The following SHB variants were observed in gnomAD, a reference collection of about 807,000 sequenced individuals.
SHB encodes the protein SH2 domain-containing adapter protein B.
SHB carries 20 observed loss-of-function variants against 52.3 expected under a neutral mutation model. The ratio of observed to expected loss-of-function variants is 0.38; its 90% CI spans 0.27 to 0.56. The LOEUF is 0.56. Among genes scored for constraint, SHB ranks in the 20% least tolerant of loss-of-function variants. The pLI is 0.71. For synonymous variants in SHB, 397 were observed against 316.5 expected (o/e 1.25, Z -2.70); for missense variants, 825 against 723.3 (o/e 1.14, Z -1.61).
At chr9:38,003,414 C>A (rs1045361886) in intron 2 of SHB, among the ~76,000 whole-genome samples, 5 of 152,024 alleles carry the variant, frequency 3.3e-5, no homozygotes, top group Non-Finnish European at 5.9e-5. Flanking sequence ...AACATCCACC[C>A]CTAACCAAGC....
In SHB at chr9:38,001,482, G is replaced by A. The variant is rs116395767; in HGVS notation, c.838+14529C>T. On this transcript the variant is annotated intron_variant, in intron 2 of 5. Coordinates refer to ENST00000377707, the MANE Select transcript of SHB (RefSeq NM_003028.3). Reference sequence around the variant, plus strand: ...CACCCTGAATGGGAAGACATGCAAGGCTCTTTGTGGGCTGGGGAGAGCCTG... The same window carrying A: ...CACCCTGAATGGGAAGACATGCAAGACTCTTTGTGGGCTGGGGAGAGCCTG... Among the ~76,000 whole-genome samples, 921 of 152,368 alleles carry A rather than the reference G, an allele frequency of 6.0e-3. 12 individuals carry two copies. Among genetic ancestry groups the A allele is most frequent in the African/African-American group, 0.021 (883 of 41,590 alleles).
intron 1 of SHB, among the ~76,000 whole-genome samples, chr9:38,048,056 C>A (rs1821681617): frequency 6.6e-6 from 1 of 152,234 alleles, no homozygotes. Context: ...ATTCAGATGG[C>A]CCCAGCAAAA....
chr9:37,969,198 A>G (rs1820565527), intron 3 of SHB, among the ~76,000 whole-genome samples: 2 of 152,196 alleles, frequency 1.3e-5, no homozygotes, highest in South Asian at 4.1e-4. Flanking sequence ...TATTTCCTGC[A>G]GCATCTTGGA....
At chr9:37,970,561 G>C (rs1287908691) in intron 3 of SHB, among the ~76,000 whole-genome samples, 1 of 152,182 alleles carries the variant, frequency 6.6e-6, no homozygotes, top group Non-Finnish European at 1.5e-5. Context: ...TTGAAAGCTG[G>C]AAGGCACTTT....
chr9:37,968,427 G>T, intron 3 of SHB, among the ~76,000 whole-genome samples: 1 of 152,222 alleles, frequency 6.6e-6, no homozygotes, highest in African/African-American at 2.4e-5. Context: ...GCAAGACACT[G>T]TCCTAAACTT....
intron 5 of SHB, among the ~76,000 whole-genome samples, chr9:37,941,192 C>T (rs1470648986): frequency 6.6e-6 from 1 of 152,188 alleles, no homozygotes; most frequent in Non-Finnish European, 1.5e-5. Flanking sequence ...TGAACCCAGA[C>T]AATTTGCAAT....
chr9:38,009,268 G>A (rs1821107537), intron 2 of SHB, among the ~76,000 whole-genome samples: 1 of 152,246 alleles, frequency 6.6e-6, no homozygotes, highest in South Asian at 2.1e-4. Context: ...ATGCTTTTGG[G>A]AGGGGCTGAG....
Position 37,974,719 on chromosome 9 carries a change from T to TCCC in SHB, c.956_957insGGG (p.Arg319_Leu320insGly), listed in dbSNP as rs775742892. 6.2e-7 allele frequency: 1 copy of TCCC among 1,614,144 alleles called. No individual in the cohort carries two copies. ...CCTGGGGCAGCTTGCTCTCCCGCAG[T>TCCC]CGGGGGCTGACTGTGCTCTCCGAGT... On this transcript the variant is annotated inframe_insertion, in exon 3 of 6. Transcript: ENST00000377707.
rs1821479173 is a variant in SHB, at chr9:38,035,762, T to C, written c.718-19631A>G. On this transcript the variant is annotated intron_variant, in intron 1 of 5. Transcript: ENST00000377707. ...GTTCCTGAGGGTCATACAGTACTCC[T>C]GGTTTAGTCCAGTGATTCTCAACAT... Among the ~76,000 whole-genome samples the C allele has an allele frequency of 2.6e-5, 4 of 152,300 alleles. No homozygotes were observed. In the South Asian group the frequency reaches 6.2e-4, roughly 24 times the overall value.
chr9:37,950,478 A>T (rs1464189909), intron 4 of SHB, among the ~76,000 whole-genome samples: 2 of 152,226 alleles, frequency 1.3e-5, no homozygotes. Flanking sequence ...GCAGGGAAAG[A>T]ATAAAGATCC....
chr9:38,062,583 T>C (rs1378143034), intron 1 of SHB, among the ~76,000 whole-genome samples: 2 of 152,166 alleles, frequency 1.3e-5, no homozygotes, highest in African/African-American at 4.8e-5. Flanking sequence ...CAGAGCTGAA[T>C]TGTTGCAGCC....
In SHB at chr9:38,068,097, G is replaced by A; in HGVS notation, c.549C>T (p.His183=). ...PAEVRYISPK[H]RLIKVESAAG... is the part of the protein sequence containing the mutation. ...CGGCGCTCTCCACTTTGATGAGGCGGTGCTTGGGGGAGATGTAGCGCACCT... is the reference window on the plus strand; with the variant it reads ...CGGCGCTCTCCACTTTGATGAGGCGATGCTTGGGGGAGATGTAGCGCACCT... Residue 183 remains histidine (H), a synonymous_variant, in exon 1 of 6, where the codon CAC becomes CAT. Coordinates refer to ENST00000377707, the MANE Select transcript of SHB (RefSeq NM_003028.3). 6.7e-7 allele frequency: 1 copy of A among 1,486,650 alleles called. No homozygotes were observed. Among genetic ancestry groups the A allele is most frequent in the Non-Finnish European group, 8.8e-7 (1 of 1,130,086 alleles). The allele number at this position is 1,486,650 out of a possible 1,614,324, so 92.1% of individuals were successfully genotyped here. A position where few individuals can be genotyped will look rare whatever the true frequency, so the allele number is the denominator to read the frequency against.
intron 3 of SHB, among the ~76,000 whole-genome samples, chr9:37,963,370 G>A (rs1021569301): frequency 2.6e-5 from 4 of 152,202 alleles, no homozygotes; most frequent in Admixed American, 6.5e-5. Context: ...ACAAGGCACC[G>A]TGTGTAGACT....
At chr9:37,923,390 G>A (rs1417694336) in intron 5 of SHB, among the ~76,000 whole-genome samples, 1 of 152,202 alleles carries the variant, frequency 6.6e-6, no homozygotes, top group East Asian at 1.9e-4. Context: ...CCGAGGATTG[G>A]AAATGGCATG....
At chr9:37,944,496 G>C (rs972292458) in intron 5 of SHB, among the ~76,000 whole-genome samples, 10 of 152,196 alleles carry the variant, frequency 6.6e-5, no homozygotes, top group African/African-American at 2.4e-4. Flanking sequence ...CCTTTCGACT[G>C]AGTGTAAGGA....
At chr9:38,028,193 C>G (rs182126988) in intron 1 of SHB, among the ~76,000 whole-genome samples, 1 of 152,112 alleles carries the variant, frequency 6.6e-6, no homozygotes, top group Non-Finnish European at 1.5e-5. Flanking sequence ...GGCACCTCCC[C>G]GAGGAAGCAC....
chr9:37,925,174 A>C (rs946923790), intron 5 of SHB, among the ~76,000 whole-genome samples: 1 of 152,210 alleles, frequency 6.6e-6, no homozygotes, highest in African/African-American at 2.4e-5. Context: ...GTCTGCCCAG[A>C]GCCGGGGCAA....
chr9:38,049,025 TTTTA>T (rs538487495), intron 1 of SHB, among the ~76,000 whole-genome samples: 150 of 152,248 alleles, frequency 9.9e-4, no homozygotes, highest in Non-Finnish European at 1.2e-3. Flanking sequence ...CGAACATCCT[TTTTA>T]TTTATTTTTG....
chr9:37,939,081 T>G (rs897019254), intron 5 of SHB, among the ~76,000 whole-genome samples: 1 of 152,186 alleles, frequency 6.6e-6, no homozygotes, highest in Non-Finnish European at 1.5e-5. Context: ...CCCACTGCCC[T>G]AGTCCTTCTC....
Sources: gnomAD v4.1 joint callset for allele counts (sites outside exome capture counted in the v4.1 genomes callset) on GRCh38, gnomAD v4.1.1 for gene constraint, MANE v1.5 for transcripts, NCBI Gene and HGNC (gene_info 2026-07-23, HGNC 2026-07-21) for gene names.